The following ZRANB3 variants were observed in gnomAD, a reference collection of about 807,000 sequenced individuals.
ZRANB3 encodes zinc finger RANBP2-type containing 3, also known as DNA annealing helicase and endonuclease ZRANB3.
In ZRANB3, 125 loss-of-function variants were observed where a neutral mutation model predicts 133.8. The observed-to-expected ratio is 0.93, with a 90% CI of 0.81 to 1.08. The LOEUF (loss-of-function observed/expected upper bound fraction) is 1.08. Among genes scored for constraint, ZRANB3 ranks in the 50% least tolerant of loss-of-function variants. The probability of loss-of-function intolerance (pLI) is 0.00; values close to 1 mark genes in which losing one functional copy is unlikely to be tolerated. For synonymous variants in ZRANB3, 387 were observed against 432.7 expected (o/e 0.89, Z 1.31); for missense variants, 1,229 against 1,275.5 (o/e 0.96, Z 0.56).
chr2:135,485,743 C>T (rs1324384795), intron 2 of ZRANB3, among the ~76,000 whole-genome samples: 2 of 152,164 alleles, frequency 1.3e-5, no homozygotes, highest in African/African-American at 4.8e-5. Context: ...TCTGTTTACA[C>T]CATAATGTAG....
At chr2:135,388,484 A>AC (rs140926249) in intron 3 of ZRANB3, among the ~76,000 whole-genome samples, 15,810 of 152,168 alleles carry the variant, frequency 0.1, 1,077 homozygotes, top group South Asian at 0.32. Context: ...AAGATTTTTC[A>AC]CCATGACTTA....
At chr2:135,315,829 G>A (rs886070745) in intron 6 of ZRANB3, among the ~76,000 whole-genome samples, 33 of 152,190 alleles carry the variant, frequency 2.2e-4, no homozygotes, top group South Asian at 4.1e-4. Flanking sequence ...AAATGGGGGT[G>A]TTATTGGCAT....
At chr2:135,492,697 AT>A (rs1479311068) in intron 2 of ZRANB3, among the ~76,000 whole-genome samples, 1 of 152,132 alleles carries the variant, frequency 6.6e-6, no homozygotes, top group Non-Finnish European at 1.5e-5. Context: ...GTGATGAGTG[AT>A]AAAAACACAT....
At chr2:135,440,523 G>C (rs1360788631) in intron 2 of ZRANB3, among the ~76,000 whole-genome samples, 1 of 152,176 alleles carries the variant, frequency 6.6e-6, no homozygotes, top group Non-Finnish European at 1.5e-5. Flanking sequence ...CTTGAAGATG[G>C]GGGAGCCTAT....
At chr2:135,530,304 T>G (rs1040238869) in intron 1 of ZRANB3, among the ~76,000 whole-genome samples, 2 of 151,898 alleles carry the variant, frequency 1.3e-5, no homozygotes, top group East Asian at 3.9e-4. Flanking sequence ...CTAAAGGCAG[T>G]AGAGGTACTT....
At chr2:135,364,295 G>A (rs1166998170) in intron 3 of ZRANB3, among the ~76,000 whole-genome samples, 2 of 152,114 alleles carry the variant, frequency 1.3e-5, no homozygotes, top group East Asian at 3.8e-4. Context: ...GAAACAAACA[G>A]ATAAAAACAC....
At chr2:135,321,230 T>C (rs1683510595) in intron 6 of ZRANB3, among the ~76,000 whole-genome samples, 1 of 152,196 alleles carries the variant, frequency 6.6e-6, no homozygotes, top group South Asian at 2.1e-4. Context: ...GTTGAACATT[T>C]TGCATTCCCA....
intron 2 of ZRANB3, among the ~76,000 whole-genome samples, chr2:135,421,904 T>G (rs1219884079): frequency 6.6e-6 from 1 of 150,824 alleles, no homozygotes; most frequent in Non-Finnish European, 1.5e-5. Context: ...TTTTTTTTTT[T>G]TGCTTTCTAA....
chr2:135,340,192 G>A lies in ZRANB3; in HGVS notation c.677+5358C>T, dbSNP rs555088847. ...GCGATCTCGGCTCACTACAACCTCC[G>A]CCTCCTCAGTTCTAGTGATTCTCCT... On this transcript the variant is annotated intron_variant, in intron 6 of 20. Coordinates refer to ENST00000264159, the MANE Select transcript of ZRANB3 (RefSeq NM_032143.4). Among the ~76,000 whole-genome samples, 13 of 145,522 alleles carry A rather than the reference G, an allele frequency of 8.9e-5. No individual in the cohort carries two copies. The South Asian group carries it at 9.3e-4, about 10-fold the overall frequency.
chr2:135,226,970 A>G (rs1259734886), intron 14 of ZRANB3, among the ~76,000 whole-genome samples: 1 of 152,250 alleles, frequency 6.6e-6, no homozygotes, highest in Non-Finnish European at 1.5e-5. Flanking sequence ...AGAAAGAAGG[A>G]TGCCTTGAGC....
chr2:135,203,011 A>C (rs758902867), intron 19 of ZRANB3, 48 bp from the exon 20 acceptor site: 1 of 1,591,648 alleles, frequency 6.3e-7, no homozygotes, highest in South Asian at 1.1e-5. Context: ...TACTGCAAGA[A>C]GTGTTTGTTG....
At chr2:135,268,869 T>G in intron 11 of ZRANB3, 93 bp downstream of exon 11, 2 of 1,231,928 alleles carry the variant, frequency 1.6e-6, no homozygotes, top group Non-Finnish European at 2.3e-6. Context: ...TAAGTATCCT[T>G]TGCCTGAAAA....
At chr2:135,463,695 G>A (rs1388779806) in intron 2 of ZRANB3, among the ~76,000 whole-genome samples, 1 of 152,124 alleles carries the variant, frequency 6.6e-6, no homozygotes, top group Non-Finnish European at 1.5e-5. Context: ...AGGATTACAG[G>A]CATGAACCAC....
intron 12 of ZRANB3, among the ~76,000 whole-genome samples, chr2:135,260,821 C>T (rs1329555622): frequency 7.0e-6 from 1 of 142,056 alleles, no homozygotes; most frequent in Non-Finnish European, 1.5e-5. Flanking sequence ...TATATATATA[C>T]TATATATTCT....
intron 3 of ZRANB3, among the ~76,000 whole-genome samples, chr2:135,369,845 C>T (rs939636596): frequency 5.3e-5 from 8 of 152,194 alleles, no homozygotes; most frequent in African/African-American, 1.9e-4. Context: ...GACCCACTTC[C>T]AATCTACCTC....
intron 6 of ZRANB3, among the ~76,000 whole-genome samples, chr2:135,344,139 G>C (rs1558931375): frequency 6.6e-6 from 1 of 152,106 alleles, no homozygotes; most frequent in Non-Finnish European, 1.5e-5. Flanking sequence ...GTTAATATAA[G>C]TCTTATAATA....
intron 2 of ZRANB3, among the ~76,000 whole-genome samples, chr2:135,395,618 C>T (rs149666316): frequency 1.7e-3 from 264 of 151,958 alleles, no homozygotes; most frequent in African/African-American, 5.7e-3. Context: ...CCACGACGCC[C>T]GGCTAATTTT....
chr2:135,235,556 G>A (rs1377889431), intron 12 of ZRANB3, among the ~76,000 whole-genome samples: 1 of 151,780 alleles, frequency 6.6e-6, no homozygotes, highest in Non-Finnish European at 1.5e-5. Flanking sequence ...CTGGCAAACC[G>A]AATCCAGCAG....
chr2:135,512,066 T>G (rs1693490205), intron 1 of ZRANB3: 1 of 474,574 alleles, frequency 2.1e-6, no homozygotes, highest in East Asian at 3.3e-5. Flanking sequence ...CATGCAACTG[T>G]GTCCGCACCA....
Sources: gnomAD v4.1 joint callset for allele counts (sites outside exome capture counted in the v4.1 genomes callset) on GRCh38, gnomAD v4.1.1 for gene constraint, MANE v1.5 for transcripts, NCBI Gene and HGNC (gene_info 2026-07-23, HGNC 2026-07-21) for gene names.